GALNT12: variants seen among roughly 807,000 people sequenced by gnomAD.
GALNT12 encodes the protein polypeptide N-acetylgalactosaminyltransferase 12, also known as UDP-GalNAc:polypeptide N-acetylgalactosaminyltransferase 12.
GALNT12 carries 45 observed loss-of-function variants against 55.5 expected under a neutral mutation model. The observed-to-expected ratio is 0.81, with a 90% CI of 0.64 to 1.04. The LOEUF (loss-of-function observed/expected upper bound fraction) is 1.04, where lower values mean the gene tolerates loss of function less well. GALNT12 is among the 50% of genes least tolerant of loss of function. GALNT12 has a pLI of 0.00. For synonymous variants in GALNT12, 304 were observed against 312.2 expected (o/e 0.97, Z 0.28); for missense variants, 709 against 754.8 (o/e 0.94, Z 0.71).
chr9:98,823,204 A>C lies in GALNT12; in HGVS notation c.372-52A>C, dbSNP rs925592637. ...ATGTCCCCTTTGTCACTCCATCCCC[A>C]GTGCCAGCCTGGGCTAGATCCTGAG... On this transcript the variant is annotated intron_variant, in intron 1 of 9. Transcript: ENST00000375011. 1.3e-5 allele frequency: 20 copies of C among 1,550,370 alleles called. No individual in the cohort carries two copies. In the African/African-American group the frequency reaches 2.4e-4, roughly 19 times the overall value.
At chr9:98,827,601 C>T (rs952229751) in intron 3 of GALNT12, among the ~76,000 whole-genome samples, 6 of 152,162 alleles carry the variant, frequency 3.9e-5, no homozygotes, top group African/African-American at 1.4e-4. Context: ...GTATTTCTTT[C>T]AAGCAGGGCT....
chr9:98,844,157 T>C lies in GALNT12; in HGVS notation c.1406T>C (p.Ile469Thr), dbSNP rs753849573. The change falls in exon 8 of 10, where the codon ATT (isoleucine) becomes ACT (threonine). Residue 469 changes from isoleucine to threonine, a missense_variant. Ile to Thr is a moderately conservative substitution (Grantham distance 89, BLOSUM62 -1). This residue lies in a region of GALNT12 where 262 missense variants were observed against 310.7 expected (regional missense o/e 0.84). Coordinates refer to ENST00000375011, the MANE Select transcript of GALNT12 (RefSeq NM_024642.5). ...TATAACCCTCCCGATGAAAACCAGATTGTGGGACACCAGGTCATTCTGTAC... is the reference window on the plus strand; with the variant it reads ...TATAACCCTCCCGATGAAAACCAGACTGTGGGACACCAGGTCATTCTGTAC... Reference protein sequence around the residue: ...FDYNPPDENQIVGHQVILYLC... With the variant: ...FDYNPPDENQTVGHQVILYLC... 3.1e-6 allele frequency: 5 copies of C among 1,614,020 alleles called. No individual in the cohort carries two copies. The South Asian group carries it at 5.5e-5, about 18-fold the overall frequency.
intron 1 of GALNT12, 119 bp from the exon 2 acceptor site, chr9:98,823,137 C>A: frequency 1.1e-6 from 1 of 922,964 alleles, no homozygotes; most frequent in Non-Finnish European, 1.8e-6. Context: ...TCTGGAAGAT[C>A]CTTCAGTGGA....
At chr9:98,827,294 C>G (rs770635211) in intron 3 of GALNT12, among the ~76,000 whole-genome samples, 1 of 151,870 alleles carries the variant, frequency 6.6e-6, no homozygotes, top group African/African-American at 2.4e-5. Context: ...CGGGATCAAG[C>G]GATTCTCCTC....
rs11793365 is a variant in GALNT12, at chr9:98,814,327, C to G, written c.371+6258C>G. On this transcript the variant is annotated intron_variant, in intron 1 of 9. Coordinates refer to ENST00000375011, the MANE Select transcript of GALNT12 (RefSeq NM_024642.5). Reference sequence around the variant, plus strand: ...GCAGGTAAGACACAAAAATGTACATCACGATCTCCTTGGCCTTTTCTACAG... The same window carrying G: ...GCAGGTAAGACACAAAAATGTACATGACGATCTCCTTGGCCTTTTCTACAG... Among the ~76,000 whole-genome samples, 801 of 152,248 alleles carry G rather than the reference C, an allele frequency of 5.3e-3. 5 individuals carry two copies. The highest frequency in any genetic ancestry group is 0.024 in the South Asian group (114 of 4,812).
chr9:98,819,036 A>G (rs555149890), intron 1 of GALNT12, among the ~76,000 whole-genome samples: 2 of 152,306 alleles, frequency 1.3e-5, no homozygotes, highest in South Asian at 4.1e-4. Flanking sequence ...CTTGCCACAT[A>G]GACTCCTCCA....
At chr9:98,846,856 C>CAA (rs757918355) in intron 9 of GALNT12, among the ~76,000 whole-genome samples, 12,760 of 108,550 alleles carry the variant, frequency 0.12, 1,080 homozygotes, top group East Asian at 0.27. Context: ...GACTCCGTCT[C>CAA]AAAAAAAAAA....
intron 6 of GALNT12, among the ~76,000 whole-genome samples, chr9:98,838,562 T>G (rs1836212822): frequency 6.6e-6 from 1 of 152,226 alleles, no homozygotes; most frequent in Non-Finnish European, 1.5e-5. Flanking sequence ...TCCGGATCCT[T>G]GCTCTGCCTC....
In GALNT12 at chr9:98,807,890, C is replaced by A; in HGVS notation, c.192C>A (p.Val64=). Residue 64 remains valine (V), a synonymous_variant, in exon 1 of 10, where the codon GTC becomes GTA. Transcript: ENST00000375011. ...RTPRPGRREP[V]MPRPPVPANA... ...CGCGCCCCGGGCGGCGCGAGCCGGT[C>A]ATGCCGCGGCCGCCGGTGCCGGCGA... 8.9e-7 allele frequency: 1 copy of A among 1,128,970 alleles called. No individual in the cohort carries two copies. The highest frequency in any genetic ancestry group is 4.2e-5 in the South Asian group (1 of 23,622). 69.9% of individuals were successfully genotyped at this position (1,128,970 alleles called of 1,614,324 possible). A position where few individuals can be genotyped will look rare whatever the true frequency, so the allele number is the denominator to read the frequency against.
intron 4 of GALNT12, 83 bp from the exon 5 acceptor site, chr9:98,835,166 A>G (rs1836107232): frequency 3.2e-6 from 3 of 933,934 alleles, no homozygotes; most frequent in Middle Eastern, 2.1e-4. Flanking sequence ...AACAGATGAA[A>G]GGGCTCGTGG....
At chr9:98,808,979 G>A (rs925559953) in intron 1 of GALNT12, among the ~76,000 whole-genome samples, 1 of 152,188 alleles carries the variant, frequency 6.6e-6, no homozygotes, top group South Asian at 2.1e-4. Context: ...GCAGCCTGCC[G>A]TGTGCACCAG....
intron 1 of GALNT12, among the ~76,000 whole-genome samples, chr9:98,817,490 T>G (rs1835639423): frequency 6.6e-6 from 1 of 151,958 alleles, no homozygotes. Context: ...TGAGATGGAG[T>G]TTTGCTCTTG....
chr9:98,807,920 G>C lies in GALNT12; in HGVS notation c.222G>C (p.Ala74=). Residue 74 remains alanine (A), a synonymous_variant, in exon 1 of 10, where the codon GCG becomes GCC. Transcript: ENST00000375011. The stretch of plus-strand genomic sequence containing the variant: ...CGCGGCCGCCGGTGCCGGCGAACGC[G>C]CTGGGCGCGCGGGGCGAGGCGGTGC... ...VMPRPPVPAN[A]LGARGEAVRL... is the part of the protein sequence containing the mutation. The C allele has an allele frequency of 8.9e-6, 11 of 1,236,706 alleles. No homozygotes were observed. The highest frequency in any genetic ancestry group is 1.0e-5 in the Non-Finnish European group (10 of 987,258). 76.6% of individuals were successfully genotyped at this position (1,236,706 alleles called of 1,614,324 possible). A position where few individuals can be genotyped will look rare whatever the true frequency, so the allele number is the denominator to read the frequency against.
At chr9:98,823,883 C>G (rs550813440) in intron 2 of GALNT12, among the ~76,000 whole-genome samples, 1 of 152,336 alleles carries the variant, frequency 6.6e-6, no homozygotes, top group East Asian at 1.9e-4. Flanking sequence ...GGAGGGGCCT[C>G]TGTGGTGCCC....
intron 1 of GALNT12, among the ~76,000 whole-genome samples, chr9:98,816,622 T>C (rs1270576464): frequency 6.8e-6 from 1 of 146,054 alleles, no homozygotes; most frequent in African/African-American, 2.4e-5. Context: ...CAGAAACACT[T>C]TTGTTTTTCA....
chr9:98,813,645 G>A (rs945581778), intron 1 of GALNT12, among the ~76,000 whole-genome samples: 2 of 151,838 alleles, frequency 1.3e-5, no homozygotes, highest in Non-Finnish European at 2.9e-5. Context: ...GATTATAGGC[G>A]CCTGCCACCA....
chr9:98,846,513 A>G (rs1215261884), intron 9 of GALNT12, among the ~76,000 whole-genome samples: 1 of 152,164 alleles, frequency 6.6e-6, no homozygotes, highest in Non-Finnish European at 1.5e-5. Context: ...AAAGTGTTAG[A>G]TCCAGATATA....
intron 1 of GALNT12, among the ~76,000 whole-genome samples, chr9:98,818,762 T>C (rs1835671850): frequency 6.6e-6 from 1 of 152,230 alleles, no homozygotes; most frequent in South Asian, 2.1e-4. Context: ...ATTTATTTTA[T>C]GGTATGTATT....
chr9:98,816,973 A>T (rs1239649047), intron 1 of GALNT12, among the ~76,000 whole-genome samples: 1 of 151,748 alleles, frequency 6.6e-6, no homozygotes, highest in Non-Finnish European at 1.5e-5. Context: ...TACAGGCACC[A>T]GCCACCACGC....
Sources: allele counts gnomAD v4.1 joint callset (sites outside exome capture counted in the v4.1 genomes callset), GRCh38; gene constraint gnomAD v4.1.1; regional missense constraint gnomAD v4.1.1; transcripts MANE v1.5; gene names NCBI Gene and HGNC (gene_info 2026-07-23, HGNC 2026-07-21).